Variants in CRYBA4 observed in about 807,000 individuals in gnomAD.
CRYBA4 encodes the protein beta-crystallin A4.
A neutral mutation model predicts 31.7 loss-of-function variants in CRYBA4; 30 were observed. The observed-to-expected ratio is 0.95, with a 90% CI of 0.71 to 1.28. The LOEUF (loss-of-function observed/expected upper bound fraction) is 1.28, where lower values mean the gene tolerates loss of function less well. Among genes scored for constraint, CRYBA4 ranks in the 50% most tolerant of loss-of-function variants. The probability of loss-of-function intolerance (pLI) is 0.00; values close to 1 mark genes in which losing one functional copy is unlikely to be tolerated. For missense variants in CRYBA4, 225 were observed against 260.7 expected (o/e 0.86, Z 0.94); for synonymous variants, 102 against 102.3 (o/e 1.00, Z 0.02).
At chr22:26,597,985 C>A in the CRYBA4 span, among the ~76,000 whole-genome samples, 45 of 151,952 alleles carry the variant, frequency 3.0e-4, no homozygotes, top group African/African-American at 8.2e-4. Flanking sequence ...CCGGTTCAAG[C>A]GATTTTCCTG....
chr22:26,607,083 C>T, the CRYBA4 span, among the ~76,000 whole-genome samples: 3 of 137,852 alleles, frequency 2.2e-5, no homozygotes, highest in Middle Eastern at 4.7e-3. Flanking sequence ...AGTGCAATGG[C>T]ATGATCTCGG....
chr22:26,616,630 T>A, the CRYBA4 span, among the ~76,000 whole-genome samples: 2 of 152,194 alleles, frequency 1.3e-5, no homozygotes, highest in Non-Finnish European at 1.5e-5. Context: ...CCCCTGCAAT[T>A]TTCCACACTG....
At chr22:26,623,185 T>C in intron 2 of CRYBA4, 49 bp from the exon 3 acceptor site, 1 of 1,511,052 alleles carries the variant, frequency 6.6e-7, no homozygotes, top group Non-Finnish European at 9.2e-7. Flanking sequence ...CCTCTCACCC[T>C]TCACGGGACT....
At chr22:26,590,310 C>A in the CRYBA4 span, 1 of 151,982 alleles carries the variant, frequency 6.6e-6, no homozygotes, top group African/African-American at 2.4e-5. Context: ...GCCCTGGAAG[C>A]CCCTGTCTGC....
chr22:26,594,716 AAAAC>A, the CRYBA4 span, among the ~76,000 whole-genome samples: 2 of 152,138 alleles, frequency 1.3e-5, no homozygotes, highest in Non-Finnish European at 2.9e-5. Context: ...AACAAAAACC[AAAAC>A]AAACAAACAA....
At chr22:26,615,018 G>A in the CRYBA4 span, among the ~76,000 whole-genome samples, 1 of 152,182 alleles carries the variant, frequency 6.6e-6, no homozygotes, top group Non-Finnish European at 1.5e-5. Flanking sequence ...TAGGTAGAAA[G>A]TTTTTAACCA....
chr22:26,627,648 T>TCTC (rs1929793045), intron 4 of CRYBA4, among the ~76,000 whole-genome samples: 3 of 116,226 alleles, frequency 2.6e-5, no homozygotes, highest in African/African-American at 7.6e-5. Flanking sequence ...CTCTCTCTCT[T>TCTC]TCTTTCTTTC....
At chr22:26,622,301 G>A (rs536347943) in intron 1 of CRYBA4, among the ~76,000 whole-genome samples, 1 of 152,190 alleles carries the variant, frequency 6.6e-6, no homozygotes, top group South Asian at 2.1e-4. Context: ...CCCACCAGCA[G>A]CCACAAAAAT....
chr22:26,610,446 C>T, the CRYBA4 span, among the ~76,000 whole-genome samples: 1 of 152,130 alleles, frequency 6.6e-6, no homozygotes. Context: ...ACACGTCAGA[C>T]ACCAGCTGCA....
At chr22:26,612,628 C>T in the CRYBA4 span, among the ~76,000 whole-genome samples, 8 of 152,352 alleles carry the variant, frequency 5.3e-5, no homozygotes, top group Middle Eastern at 3.4e-3. Flanking sequence ...GTTGGGATTA[C>T]AGGCATGAGC....
chr22:26,607,839 G>T, the CRYBA4 span: 1 of 1,612,992 alleles, frequency 6.2e-7, no homozygotes, highest in Non-Finnish European at 8.5e-7. Context: ...ACTTACACCT[G>T]CCCTGCCCCG....
At chr22:26,627,646 C>G (rs143896947) in intron 4 of CRYBA4, among the ~76,000 whole-genome samples, 1,769 of 140,572 alleles carry the variant, frequency 0.013, 59 homozygotes, top group African/African-American at 0.043. Flanking sequence ...CTCTCTCTCT[C>G]TTTCTTTCTT....
chr22:26,622,952 C>A (rs1484878474), intron 2 of CRYBA4, among the ~76,000 whole-genome samples: 1 of 152,164 alleles, frequency 6.6e-6, no homozygotes, highest in African/African-American at 2.4e-5. Context: ...CTGGAAGAAC[C>A]ACATAAAAGT....
chr22:26,622,404 A>C (rs1203838383), intron 1 of CRYBA4, among the ~76,000 whole-genome samples, 181 bp from the exon 2 acceptor site: 3 of 152,120 alleles, frequency 2.0e-5, no homozygotes, highest in African/African-American at 7.2e-5. Flanking sequence ...ATAGGATGGA[A>C]GATGGCATTG....
chr22:26,630,578 C>A lies in CRYBA4; in HGVS notation c.*91C>A. ...GTGTGTTCTCTCCTTCTGCCTCCCC[C>A]TGTAACCTGTGTGAACCCAGCACCC... On this transcript the variant is annotated 3_prime_UTR_variant, in exon 6 of 6. Transcript: ENST00000354760. The A allele has an allele frequency of 1.7e-5, 20 of 1,146,924 alleles. No individual in the cohort carries two copies. Among genetic ancestry groups the A allele is most frequent in the Non-Finnish European group, 2.4e-5 (19 of 790,380 alleles). The allele number at this position is 1,146,924 out of a possible 1,614,324, so 71.0% of individuals were successfully genotyped here.
rs763513544 is a variant in CRYBA4, at chr22:26,628,363, T to C, written c.376T>C (p.Tyr126His). The C allele has an allele frequency of 1.4e-5, 23 of 1,614,046 alleles. No individual in the cohort carries two copies. The highest frequency in any genetic ancestry group is 3.3e-5 in the South Asian group (3 of 91,066). Residue 126 changes from tyrosine (Y) to histidine (H), a missense_variant, in exon 5 of 6, where the codon TAT (tyrosine) becomes CAT (histidine). Transcript: ENST00000354760. ...LGKKGELSDD[Y>H]PSLQAMGWEG... ...CAAGAAAGGAGAGCTGAGCGATGAC[T>C]ATCCTTCCCTCCAGGCCATGGGATG...
chr22:26,627,479 TTTCTTTCCTTTTCTTTCTTTC>T (rs1929773760), intron 4 of CRYBA4, among the ~76,000 whole-genome samples: 1 of 50,610 alleles, frequency 2.0e-5, no homozygotes, highest in Non-Finnish European at 3.1e-5. Flanking sequence ...TTTCTTTCTC[TTTCTTTCCTTTTCTTTCTTTC>T]TTTCTTTCTT....
At chr22:26,603,751 AAATAATAAT>A in the CRYBA4 span, among the ~76,000 whole-genome samples, 2 of 149,708 alleles carry the variant, frequency 1.3e-5, no homozygotes, top group Non-Finnish European at 3.0e-5. Context: ...TAAAAATACA[AAATAATAAT>A]AATAATAATA....
chr22:26,591,926 C>A, the CRYBA4 span, among the ~76,000 whole-genome samples: 1 of 149,936 alleles, frequency 6.7e-6, no homozygotes, highest in Non-Finnish European at 1.5e-5. Flanking sequence ...CACACACACA[C>A]ACAGAAACTA....
Sources: gnomAD v4.1 joint callset for allele counts (sites outside exome capture counted in the v4.1 genomes callset) on GRCh38, gnomAD v4.1.1 for gene constraint, MANE v1.5 for transcripts, NCBI Gene and HGNC (gene_info 2026-07-23, HGNC 2026-07-21) for gene names.